UNC5D: variants seen among roughly 807,000 people sequenced by gnomAD.
UNC5D encodes the protein netrin receptor UNC5D.
Under a neutral mutation model 105.4 loss-of-function variants are expected in UNC5D, and 39 were observed. The ratio of observed to expected loss-of-function variants is 0.37; its 90% CI spans 0.29 to 0.48. The LOEUF (loss-of-function observed/expected upper bound fraction) is 0.48, where lower values mean the gene tolerates loss of function less well. Ranked by LOEUF, UNC5D falls within the 20% of genes least tolerant of loss-of-function variation. The probability of loss-of-function intolerance (pLI) is 0.98; values close to 1 mark genes in which losing one functional copy is unlikely to be tolerated. For missense variants in UNC5D, 991 were observed against 1,202.4 expected, an observed-to-expected ratio of 0.82 and a Z score of 2.60; for synonymous variants, 452 against 450.4, an observed-to-expected ratio of 1.00 and a Z score of -0.04.
At chr8:35,265,804 A>G (rs904580942) in intron 1 of UNC5D, among the ~76,000 whole-genome samples, 4 of 151,890 alleles carry the variant, frequency 2.6e-5, no homozygotes, top group Middle Eastern at 3.2e-3. Context: ...CAGGAGGCAG[A>G]GCTTGCAGTG....
intron 4 of UNC5D, among the ~76,000 whole-genome samples, chr8:35,664,032 T>C (rs995306287): frequency 1.3e-5 from 2 of 152,186 alleles, no homozygotes; most frequent in Non-Finnish European, 2.9e-5. Flanking sequence ...CAGAAAATCA[T>C]TGATTGCCCT....
chr8:35,302,475 G>A (rs556709592), intron 1 of UNC5D, among the ~76,000 whole-genome samples: 6 of 152,282 alleles, frequency 3.9e-5, no homozygotes, highest in East Asian at 1.9e-4. Context: ...GCTTTTAGAC[G>A]ATTTTAGAAA....
intron 10 of UNC5D, among the ~76,000 whole-genome samples, chr8:35,728,722 A>T (rs563854718): frequency 2.0e-5 from 3 of 152,196 alleles, no homozygotes; most frequent in Non-Finnish European, 4.4e-5. Context: ...CCTAGCAATG[A>T]TTTCTCCAAA....
chr8:35,401,726 T>C (rs1804478093), intron 1 of UNC5D, among the ~76,000 whole-genome samples: 1 of 152,194 alleles, frequency 6.6e-6, no homozygotes, highest in Non-Finnish European at 1.5e-5. Flanking sequence ...TAAATCCCTG[T>C]GCACCAGGTT....
chr8:35,353,000 A>AT (rs1812349288), intron 1 of UNC5D, among the ~76,000 whole-genome samples: 1 of 152,164 alleles, frequency 6.6e-6, no homozygotes, highest in African/African-American at 2.4e-5. Flanking sequence ...AACAAAGTAA[A>AT]TGTAAAGTAG....
At chr8:35,451,824 T>A (rs758620946) in intron 1 of UNC5D, among the ~76,000 whole-genome samples, 8 of 152,130 alleles carry the variant, frequency 5.3e-5, no homozygotes, top group Non-Finnish European at 7.4e-5. Flanking sequence ...CTCAAATTCA[T>A]GTTGTTCTGC....
intron 1 of UNC5D, among the ~76,000 whole-genome samples, chr8:35,248,867 T>C (rs1203200611): frequency 1.1e-5 from 1 of 94,876 alleles, no homozygotes; most frequent in Non-Finnish European, 1.8e-5. Flanking sequence ...TCTATAATAA[T>C]ATAAAAATAT....
rs183189352 is a variant in UNC5D at position 35,746,384 on chromosome 8, G to C, written c.1767-2143G>C. Among the ~76,000 whole-genome samples the C allele has an allele frequency of 1.7e-3, 259 of 152,222 alleles. 1 individual carries two copies. Among genetic ancestry groups the C allele is most frequent in the African/African-American group, 6.1e-3 (252 of 41,548 alleles). ...AATTGTGGGGAGAAAAAAATGGAGA[G>C]ATTTTTGTGAAGTTCCGGTGAACTT... On this transcript the variant is annotated intron_variant, in intron 11 of 16. Transcript: ENST00000404895.
chr8:35,441,339 C>G (rs972227193), intron 1 of UNC5D, among the ~76,000 whole-genome samples: 1 of 151,816 alleles, frequency 6.6e-6, no homozygotes, highest in Admixed American at 6.6e-5. Context: ...TACAATTATT[C>G]TATTTTATTA....
At chr8:35,767,100 T>G (rs762066915) in intron 15 of UNC5D, 34 bp downstream of exon 15, 1 of 1,574,834 alleles carries the variant, frequency 6.3e-7, no homozygotes. Flanking sequence ...TTTGACCCCC[T>G]TTCTGAAGGA....
chr8:35,669,056 T>G (rs941758826), intron 4 of UNC5D, among the ~76,000 whole-genome samples: 1 of 152,084 alleles, frequency 6.6e-6, no homozygotes, highest in Non-Finnish European at 1.5e-5. Flanking sequence ...ATTTTACACT[T>G]TTTGCATGAT....
At chr8:35,249,810 G>A (rs765212514) in intron 1 of UNC5D, among the ~76,000 whole-genome samples, 3 of 151,886 alleles carry the variant, frequency 2.0e-5, no homozygotes, top group Non-Finnish European at 4.4e-5. Context: ...TTGGAGATTA[G>A]GTGTCAAAAT....
intron 13 of UNC5D, among the ~76,000 whole-genome samples, chr8:35,752,186 C>T (rs1830314051): frequency 6.6e-6 from 1 of 152,134 alleles, no homozygotes; most frequent in Non-Finnish European, 1.5e-5. Flanking sequence ...AATTTAGCTA[C>T]TCAGGAAGAC....
At chr8:35,773,121 T>C (rs1196906513) in intron 15 of UNC5D, among the ~76,000 whole-genome samples, 1 of 152,188 alleles carries the variant, frequency 6.6e-6, no homozygotes, top group East Asian at 1.9e-4. Context: ...ATCAGCAGAG[T>C]CCCTTTTGTC....
chr8:35,448,965 G>A (rs978044367), intron 1 of UNC5D, among the ~76,000 whole-genome samples: 2 of 152,082 alleles, frequency 1.3e-5, no homozygotes, highest in African/African-American at 4.8e-5. Flanking sequence ...TCACTGAGTA[G>A]TATTCCGTGG....
At chr8:35,748,734 G>C in intron 12 of UNC5D, 39 bp downstream of exon 12, 1 of 1,599,000 alleles carries the variant, frequency 6.3e-7, no homozygotes, top group South Asian at 1.1e-5. Flanking sequence ...AGTGGGATTT[G>C]GGTTCCACCT....
At position 35,235,497 on chromosome 8, in the gene UNC5D, G is replaced by A. The variant is rs959846795; in HGVS notation, c.-288G>A. 1 of 298,872 alleles carries A rather than the reference G, an allele frequency of 3.3e-6. No individual in the cohort carries two copies. Among genetic ancestry groups the A allele is most frequent in the African/African-American group, 2.2e-5 (1 of 46,054 alleles). 18.5% of individuals were successfully genotyped at this position (298,872 alleles called of 1,614,324 possible). A position where few individuals can be genotyped will look rare whatever the true frequency, so the allele number is the denominator to read the frequency against. ...GCTCCGTAGTTCGGGGCCCGGCAGC[G>A]GCGCGAGGGCTGGGAACTGCGCGGC... is the stretch of plus-strand genomic sequence containing the variant. On this transcript the variant is annotated 5_prime_UTR_variant, in exon 1 of 17. Coordinates refer to ENST00000404895, the MANE Select transcript of UNC5D (RefSeq NM_080872.4).
intron 1 of UNC5D, among the ~76,000 whole-genome samples, chr8:35,488,499 G>A (rs749115963): frequency 1.3e-5 from 2 of 152,168 alleles, no homozygotes; most frequent in Admixed American, 6.6e-5. Context: ...TAGCAGTCCG[G>A]GTTGCCTCTG....
intron 1 of UNC5D, among the ~76,000 whole-genome samples, chr8:35,257,483 C>A (rs3115004): frequency 0.36 from 54,418 of 151,958 alleles, 10,709 homozygotes; most frequent in Non-Finnish European, 0.43. Flanking sequence ...TGTTTCAGGG[C>A]CTGATGCTTT....
Sources: gnomAD v4.1 joint callset for allele counts (sites outside exome capture counted in the v4.1 genomes callset) on GRCh38, gnomAD v4.1.1 for gene constraint, MANE v1.5 for transcripts, NCBI Gene and HGNC (gene_info 2026-07-23, HGNC 2026-07-21) for gene names.